HTR2A: variants seen among roughly 807,000 people sequenced by gnomAD.
HTR2A encodes the protein 5-HT2 receptor.
A neutral mutation model predicts 31.0 loss-of-function variants in HTR2A; 14 were observed. That is an observed-to-expected ratio of 0.45 (90% CI 0.30 to 0.71). The LOEUF (loss-of-function observed/expected upper bound fraction) is 0.71. HTR2A is among the 30% of genes least tolerant of loss of function. The pLI, the probability that HTR2A is intolerant of heterozygous loss-of-function variation, is 0.09. For missense variants in HTR2A, 442 were observed against 573.3 expected, an observed-to-expected ratio of 0.77 and a Z score of 2.34; for synonymous variants, 209 against 225.2, an observed-to-expected ratio of 0.93 and a Z score of 0.64.
chr13:46,857,438 G>A (rs1204425169), intron 3 of HTR2A, among the ~76,000 whole-genome samples: 5 of 152,158 alleles, frequency 3.3e-5, no homozygotes, highest in Non-Finnish European at 4.4e-5. Flanking sequence ...CTCACAGGAT[G>A]GAAGGGCCAA....
At chr13:46,890,888 A>T (rs1566320806) in intron 3 of HTR2A, among the ~76,000 whole-genome samples, 1 of 152,150 alleles carries the variant, frequency 6.6e-6, no homozygotes, top group Non-Finnish European at 1.5e-5. Context: ...GCCTCACCCT[A>T]GGCAATTAAA....
intron 3 of HTR2A, among the ~76,000 whole-genome samples, chr13:46,872,422 C>T: frequency 6.6e-6 from 1 of 152,150 alleles, no homozygotes. Flanking sequence ...TAATACTTTG[C>T]ATCTCAATTA....
Position 46,831,825 on chromosome 13 carries a change from A to C in HTR2A, c.*3012T>G, listed in dbSNP as rs1876256717. ...GCCAAGTAAATGCAGTATGCTTTAA[A>C]CAGTTTTCCCTAATTATGGCAGTTA... is the stretch of plus-strand genomic sequence containing the variant. On this transcript the variant is annotated 3_prime_UTR_variant, in exon 4 of 4. Transcript: ENST00000542664. The C allele has an allele frequency of 6.6e-6, 1 of 152,248 alleles. No homozygotes were observed. The highest frequency in any genetic ancestry group is 2.1e-4 in the South Asian group (1 of 4,836). 9.4% of individuals were successfully genotyped at this position (152,248 alleles called of 1,614,324 possible).
chr13:46,885,687 A>G (rs1298949614), intron 3 of HTR2A, among the ~76,000 whole-genome samples: 1 of 152,220 alleles, frequency 6.6e-6, no homozygotes, highest in African/African-American at 2.4e-5. Context: ...AATAATTCAC[A>G]TTTCCACAAG....
At chr13:46,896,428 T>G (rs943746019) in intron 1 of HTR2A, among the ~76,000 whole-genome samples, 194 bp from the exon 2 acceptor site, 6 of 152,190 alleles carry the variant, frequency 3.9e-5, no homozygotes, top group Admixed American at 1.3e-4. Flanking sequence ...CCATAGTAAT[T>G]GGATGTACTT....
intron 3 of HTR2A, among the ~76,000 whole-genome samples, chr13:46,861,098 T>C (rs1221424005): frequency 6.6e-6 from 1 of 152,220 alleles, no homozygotes; most frequent in Non-Finnish European, 1.5e-5. Flanking sequence ...AAATTTATTC[T>C]TTAAAAGGTC....
At position 46,895,559 on chromosome 13, in the gene HTR2A, A is replaced by G. The variant is rs192268932; in HGVS notation, c.348T>C (p.Leu116=). 3.8e-5 allele frequency: 62 copies of G among 1,614,188 alleles called. No individual in the cohort carries two copies. Among genetic ancestry groups the G allele is most frequent in the Non-Finnish European group, 5.2e-5 (61 of 1,180,028 alleles). ...AACCCAGCAGCATATCAGCTATGGC[A>G]AGTGACATCAGGAAATAGTTGGTGG... ...QNATNYFLMS[L]AIADMLLGFL... The change falls in exon 2 of 4, where the codon CTT becomes CTC. Residue 116 remains leucine, a synonymous_variant. Transcript: ENST00000542664. The surrounding 1 kb of genome is among the most constrained non-coding windows in gnomAD (Gnocchi z 4.4).
rs1361792575 is a variant in HTR2A, at chr13:46,833,045, A to G, written c.*1792T>C. 6.6e-6 allele frequency: 1 copy of G among 152,194 alleles called. No homozygotes were observed. Among genetic ancestry groups the G allele is most frequent in the Non-Finnish European group, 1.5e-5 (1 of 68,036 alleles). 9.4% of individuals were successfully genotyped at this position (152,194 alleles called of 1,614,324 possible). A position where few individuals can be genotyped will look rare whatever the true frequency, so the allele number is the denominator to read the frequency against. ...AGGGAGCCCAGTGTCAATGAGTAAT[A>G]CTGAAATGAGTGAGTTTTTGGAGAA... On this transcript the variant is annotated 3_prime_UTR_variant, in exon 4 of 4. Transcript: ENST00000542664.
intron 2 of HTR2A, among the ~76,000 whole-genome samples, chr13:46,893,004 C>G (rs1190484495): frequency 1.3e-5 from 2 of 152,182 alleles, no homozygotes; most frequent in Non-Finnish European, 2.9e-5. Context: ...ATTGTATTTC[C>G]CTAAGGTTAG....
intron 3 of HTR2A, chr13:46,856,091 A>C (rs1455231930): frequency 6.6e-6 from 1 of 152,232 alleles, no homozygotes; most frequent in Non-Finnish European, 1.5e-5. Context: ...TGATCTTAGA[A>C]AACGAAGAGT....
At chr13:46,861,051 TA>T (rs1323822706) in intron 3 of HTR2A, among the ~76,000 whole-genome samples, 2 of 152,210 alleles carry the variant, frequency 1.3e-5, no homozygotes, top group African/African-American at 4.8e-5. Context: ...GTTTTTGTTG[TA>T]GGCAGGAATG....
At chr13:46,885,346 G>C (rs1466312220) in intron 3 of HTR2A, among the ~76,000 whole-genome samples, 1 of 152,020 alleles carries the variant, frequency 6.6e-6, no homozygotes, top group Non-Finnish European at 1.5e-5. Context: ...TGGTATGGAG[G>C]GCGATTTAAA....
chr13:46,862,830 G>T (rs1950790889), intron 3 of HTR2A, among the ~76,000 whole-genome samples: 1 of 152,206 alleles, frequency 6.6e-6, no homozygotes, highest in Non-Finnish European at 1.5e-5. Flanking sequence ...AATGGTATTT[G>T]TTCTACAAAG....
rs1876266114 is a variant in HTR2A at position 46,832,100 on chromosome 13, T to G, written c.*2737A>C. Reference sequence around the variant, plus strand: ...TCAAGAAACTATATATGTGGACCATTGTTTTCGCCATCCTCATAGACTTGT... The same window carrying G: ...TCAAGAAACTATATATGTGGACCATGGTTTTCGCCATCCTCATAGACTTGT... On this transcript the variant is annotated 3_prime_UTR_variant, in exon 4 of 4. Transcript: ENST00000542664. The G allele has an allele frequency of 6.6e-6, 1 of 152,356 alleles. No homozygotes were observed. Among genetic ancestry groups the G allele is most frequent in the Middle Eastern group, 3.4e-3 (1 of 294 alleles). The allele number at this position is 152,356 out of a possible 1,614,324, so 9.4% of individuals were successfully genotyped here. A position where few individuals can be genotyped will look rare whatever the true frequency, so the allele number is the denominator to read the frequency against.
intron 3 of HTR2A, among the ~76,000 whole-genome samples, chr13:46,878,082 A>G (rs886286918): frequency 4.0e-5 from 6 of 151,864 alleles, no homozygotes; most frequent in African/African-American, 1.2e-4. Context: ...GAGACACTCA[A>G]GAGTTTCAGT....
rs1435861668 is a variant in HTR2A at position 46,872,318 on chromosome 13, A to C, written c.613+20072T>G. Among the ~76,000 whole-genome samples the C allele has an allele frequency of 3.4e-5, 5 of 147,374 alleles. No homozygotes were observed. The Admixed American group carries it at 3.4e-4, about 10-fold the overall frequency. Reference sequence around the variant, plus strand: ...GAGGTTATAAAATCTAGCATGCTGTATTGCATGGTTTATTTGACCACTCTG... The same window carrying C: ...GAGGTTATAAAATCTAGCATGCTGTCTTGCATGGTTTATTTGACCACTCTG... On this transcript the variant is annotated intron_variant, in intron 3 of 3. Transcript: ENST00000542664.
At chr13:46,867,912 AT>A (rs67297388) in intron 3 of HTR2A, among the ~76,000 whole-genome samples, 22,101 of 152,194 alleles carry the variant, frequency 0.15, 1,894 homozygotes, top group South Asian at 0.2. Context: ...TGAGATAGAG[AT>A]TTTTTTAAAG....
At chr13:46,874,830 A>G (rs1950894384) in intron 3 of HTR2A, among the ~76,000 whole-genome samples, 1 of 152,236 alleles carries the variant, frequency 6.6e-6, no homozygotes, top group Admixed American at 6.5e-5. Context: ...CTTTGAGTGA[A>G]GAAGCCACAG....
chr13:46,892,487 G>A lies in HTR2A; in HGVS notation c.516C>T (p.Asp172=), dbSNP rs6305. 34,780 of 1,614,218 alleles carry A rather than the reference G, an allele frequency of 0.022. 446 individuals carry two copies. The highest frequency in any genetic ancestry group is 0.057 in the Middle Eastern group (345 of 6,062). ...TGGGATTCTGGATGGCGACGTAGCG[G>A]TCCAGCGAGATGGCGCAGAGGTGCA... is the stretch of plus-strand genomic sequence containing the variant. ...SIMHLCAISL[D]RYVAIQNPIH... The change falls in exon 3 of 4, where the codon GAC becomes GAT. Residue 172 remains aspartate (D), a synonymous_variant. Transcript: ENST00000542664.
Sources: gnomAD v4.1 joint callset for allele counts (sites outside exome capture counted in the v4.1 genomes callset) on GRCh38, gnomAD v4.1.1 for gene constraint, Gnocchi (gnomAD v3.1) non-coding constraint, MANE v1.5 for transcripts, NCBI Gene and HGNC (gene_info 2026-07-23, HGNC 2026-07-21) for gene names.